Variants in GUCY1A2 observed in about 807,000 individuals in gnomAD.
GUCY1A2 encodes guanylate cyclase soluble subunit alpha-2.
A neutral mutation model predicts 63.5 loss-of-function variants in GUCY1A2; 27 were observed. The ratio of observed to expected loss-of-function variants is 0.43; its 90% confidence interval spans 0.31 to 0.59. GUCY1A2 has a LOEUF of 0.59. GUCY1A2 is among the 20% of genes least tolerant of loss of function. GUCY1A2 has a pLI of 0.11. For missense variants in GUCY1A2, 768 were observed against 913.3 expected, an observed-to-expected ratio of 0.84 and a Z score of 2.05; for synonymous variants, 364 against 343.5, an observed-to-expected ratio of 1.06 and a Z score of -0.66.
chr11:106,909,634 T>C (rs1394807266), intron 4 of GUCY1A2, among the ~76,000 whole-genome samples: 2 of 151,946 alleles, frequency 1.3e-5, no homozygotes, highest in Non-Finnish European at 2.9e-5. Flanking sequence ...GCTGTCGTTA[T>C]TCACTCAGCA....
intron 4 of GUCY1A2, among the ~76,000 whole-genome samples, chr11:106,853,503 G>T (rs1859384160): frequency 1.3e-5 from 2 of 151,456 alleles, no homozygotes; most frequent in African/African-American, 2.4e-5. Context: ...TTTCTGTTTG[G>T]TTCTTTCTTA....
At position 106,841,170 on chromosome 11, in the gene GUCY1A2, A is replaced by G. The variant is rs553023271; in HGVS notation, c.1207-30692T>C. Among the ~76,000 whole-genome samples the G allele has an allele frequency of 3.3e-5, 5 of 151,794 alleles. 1 individual carries two copies. The South Asian group carries it at 1.0e-3, about 32-fold the overall frequency. On this transcript the variant is annotated intron_variant, in intron 4 of 7. Coordinates refer to ENST00000526355, the MANE Select transcript of GUCY1A2 (RefSeq NM_000855.3). The stretch of plus-strand genomic sequence containing the variant: ...AACACATGATCTTCTCTGCCCTTCT[A>G]CTAGTACGCCCCTGCAAACACCCTC...
intron 1 of GUCY1A2, among the ~76,000 whole-genome samples, chr11:107,011,652 C>G (rs1327896748): frequency 2.0e-5 from 3 of 146,356 alleles, no homozygotes; most frequent in African/African-American, 7.5e-5. Context: ...AATATATAGT[C>G]AGAGTGTCTG....
rs552360780 is a variant in GUCY1A2 at position 106,751,894 on chromosome 11, T to TTA, written c.1836+24543_1836+24544dup. Among the ~76,000 whole-genome samples the TTA allele has an allele frequency of 3.8e-3, 586 of 152,306 alleles. 3 individuals are homozygous for TTA. The highest frequency in any genetic ancestry group is 0.014 in the Middle Eastern group (4 of 294). The stretch of plus-strand genomic sequence containing the variant: ...ATTTTCCATATTTTGCTGCAGAATT[T>TTA]TATATATTTCTACATTGATAAATCT... On this transcript the variant is annotated intron_variant, in intron 6 of 7. Coordinates refer to ENST00000526355, the MANE Select transcript of GUCY1A2 (RefSeq NM_000855.3).
intron 5 of GUCY1A2, among the ~76,000 whole-genome samples, chr11:106,808,133 C>A (rs1286314996): frequency 6.6e-6 from 1 of 152,064 alleles, no homozygotes; most frequent in Non-Finnish European, 1.5e-5. Flanking sequence ...CTCTAGAGAA[C>A]CCTGATTAAT....
At chr11:106,827,725 T>C in intron 4 of GUCY1A2, 1 of 1,541,870 alleles carries the variant, frequency 6.5e-7, no homozygotes, top group African/African-American at 1.4e-5. Context: ...ATTTTAGAAA[T>C]CTGCTTGAAA....
intron 6 of GUCY1A2, among the ~76,000 whole-genome samples, chr11:106,754,897 T>G (rs1018669915): frequency 1.3e-5 from 2 of 152,028 alleles, no homozygotes; most frequent in African/African-American, 4.8e-5. Context: ...ATTCCCTCTT[T>G]TTCTATTGAT....
chr11:106,784,967 T>C (rs546502022), intron 5 of GUCY1A2, among the ~76,000 whole-genome samples: 4 of 152,226 alleles, frequency 2.6e-5, no homozygotes, highest in African/African-American at 7.2e-5. Flanking sequence ...TCAGCTGGCA[T>C]TGTCATTAAC....
chr11:106,952,687 A>G (rs1187647318), intron 3 of GUCY1A2, among the ~76,000 whole-genome samples: 1 of 151,432 alleles, frequency 6.6e-6, no homozygotes. Context: ...GTCTTGATCT[A>G]TTGCCCAGGC....
At chr11:106,921,572 C>G (rs1324906433) in intron 4 of GUCY1A2, among the ~76,000 whole-genome samples, 1 of 152,070 alleles carries the variant, frequency 6.6e-6, no homozygotes, top group African/African-American at 2.4e-5. Context: ...AATTCCTTCA[C>G]AAAGAACCAA....
At chr11:106,746,570 G>A (rs372247326) in intron 6 of GUCY1A2, 133 of 1,591,500 alleles carry the variant, frequency 8.4e-5, no homozygotes, top group Non-Finnish European at 9.6e-5. Flanking sequence ...ACCCAAATCC[G>A]TTTCACTTTG....
intron 5 of GUCY1A2, among the ~76,000 whole-genome samples, chr11:106,788,101 G>A (rs1864596909): frequency 6.6e-6 from 1 of 152,060 alleles, no homozygotes; most frequent in African/African-American, 2.4e-5. Context: ...AGATGCTATT[G>A]TATTGTACTT....
At position 106,716,813 on chromosome 11, in the gene GUCY1A2, G is replaced by T. The variant is rs1591245277; in HGVS notation, c.1837-8147C>A. Among the ~76,000 whole-genome samples, 4 of 147,126 alleles carry T rather than the reference G, an allele frequency of 2.7e-5. 1 individual carries two copies. Among genetic ancestry groups the T allele is most frequent in the African/African-American group, 1.0e-4 (4 of 39,606 alleles). On this transcript the variant is annotated intron_variant, in intron 6 of 7. Coordinates refer to ENST00000526355, the MANE Select transcript of GUCY1A2 (RefSeq NM_000855.3). ...AAAAAAAGATAAGAGTAAATCTCAG[G>T]AATTATAAGAGAGCTATAAGGAGAG...
intron 6 of GUCY1A2, among the ~76,000 whole-genome samples, chr11:106,761,920 G>A (rs563340822): frequency 6.6e-6 from 1 of 152,258 alleles, no homozygotes; most frequent in South Asian, 2.1e-4. Flanking sequence ...CACAACTAGT[G>A]AAGAGATTTT....
At chr11:106,960,231 AT>A (rs909149245) in intron 3 of GUCY1A2, among the ~76,000 whole-genome samples, 1 of 26,508 alleles carries the variant, frequency 3.8e-5, no homozygotes. Flanking sequence ...CTTGTTTTGA[AT>A]TTTTTTTTTA....
chr11:106,925,768 T>A lies in GUCY1A2; in HGVS notation c.1206+13692A>T, dbSNP rs187415425. Among the ~76,000 whole-genome samples the A allele has an allele frequency of 5.2e-3, 798 of 152,282 alleles. 8 individuals are homozygous for A. The highest frequency in any genetic ancestry group is 0.019 in the African/African-American group (779 of 41,568). ...AAAAATACAACTGAAACTTACAATATGCTAAAAATAGTGTCTTAGTCAATT... is the reference window on the plus strand; with the variant it reads ...AAAAATACAACTGAAACTTACAATAAGCTAAAAATAGTGTCTTAGTCAATT... On this transcript the variant is annotated intron_variant, in intron 4 of 7. Transcript: ENST00000526355.
chr11:106,795,153 TACTC>T (rs1864731558), intron 5 of GUCY1A2, among the ~76,000 whole-genome samples: 1 of 152,176 alleles, frequency 6.6e-6, no homozygotes, highest in African/African-American at 2.4e-5. Context: ...TTACGTGACT[TACTC>T]AGTTATGTGA....
At chr11:106,711,675 T>C (rs1863121803) in intron 6 of GUCY1A2, among the ~76,000 whole-genome samples, 1 of 152,166 alleles carries the variant, frequency 6.6e-6, no homozygotes, top group South Asian at 2.1e-4. Context: ...GTATCTGGTA[T>C]CATTTTTCTT....
Position 106,916,144 on chromosome 11 carries a change from A to G in GUCY1A2, c.1206+23316T>C, listed in dbSNP as rs989429378. Among the ~76,000 whole-genome samples the G allele has an allele frequency of 7.5e-5, 11 of 145,796 alleles. 1 individual carries two copies. The highest frequency in any genetic ancestry group is 1.5e-4 in the Non-Finnish European group (10 of 64,792). Reference sequence around the variant, plus strand: ...TCCTTTGATTAAACATAAAAAGACAAAAGATTTAGTTGACAATTTAGTCAT... The same window carrying G: ...TCCTTTGATTAAACATAAAAAGACAGAAGATTTAGTTGACAATTTAGTCAT... On this transcript the variant is annotated intron_variant, in intron 4 of 7. Transcript: ENST00000526355.
Sources: gnomAD v4.1 joint callset for allele counts (sites outside exome capture counted in the v4.1 genomes callset) on GRCh38, gnomAD v4.1.1 for gene constraint, MANE v1.5 for transcripts, NCBI Gene and HGNC (gene_info 2026-07-23, HGNC 2026-07-21) for gene names.